The following SLC36A1 variants were observed in gnomAD, a reference collection of about 807,000 sequenced individuals.
SLC36A1 encodes solute carrier family 36 member 1, also known as proton-coupled amino acid transporter 1.
A neutral mutation model predicts 47.5 loss-of-function variants in SLC36A1; 30 were observed. The observed-to-expected ratio is 0.63, with a 90% CI of 0.47 to 0.86. SLC36A1 has a LOEUF of 0.86. SLC36A1 is among the 40% of genes least tolerant of loss of function. SLC36A1 has a pLI of 0.00. For synonymous variants in SLC36A1, 255 were observed against 249.7 expected (o/e 1.02, Z -0.20); for missense variants, 517 against 606.0 (o/e 0.85, Z 1.54).
At chr5:151,459,469 T>G (rs1755188611) in intron 2 of SLC36A1, among the ~76,000 whole-genome samples, 1 of 152,260 alleles carries the variant, frequency 6.6e-6, no homozygotes, top group African/African-American at 2.4e-5. Context: ...CAGACTCATT[T>G]GGGCTGAGTT....
At chr5:151,441,639 C>A (rs953647707) in intron 1 of SLC36A1, among the ~76,000 whole-genome samples, 1 of 152,080 alleles carries the variant, frequency 6.6e-6, no homozygotes, top group African/African-American at 2.4e-5. Flanking sequence ...CACATGCTGG[C>A]ACCTGTAAAC....
chr5:151,422,806 G>A, the SLC36A1 span, among the ~76,000 whole-genome samples: 4 of 152,254 alleles, frequency 2.6e-5, no homozygotes, highest in East Asian at 1.9e-4. Context: ...CTGGGTAGTA[G>A]TGGCACGTGT....
the SLC36A1 span, chr5:151,380,275 C>T: frequency 2.3e-4 from 57 of 249,692 alleles, no homozygotes; most frequent in Non-Finnish European, 3.6e-4. Context: ...ACCTGAGGTC[C>T]GGAGTTCGAG....
chr5:151,537,220 AGAG>A, the SLC36A1 span, among the ~76,000 whole-genome samples: 146 of 151,012 alleles, frequency 9.7e-4, 1 homozygote, highest in East Asian at 0.023. Context: ...AGGAAGAAGA[AGAG>A]GAGGAGGAGG....
intron 1 of SLC36A1, among the ~76,000 whole-genome samples, chr5:151,456,149 G>A (rs1030491500): frequency 6.6e-6 from 1 of 152,104 alleles, no homozygotes; most frequent in African/African-American, 2.4e-5. Flanking sequence ...CTTTTGGTTT[G>A]TTGGAAGGGA....
chr5:151,405,647 C>A, the SLC36A1 span, among the ~76,000 whole-genome samples: 1 of 152,130 alleles, frequency 6.6e-6, no homozygotes, highest in South Asian at 2.1e-4. Flanking sequence ...TAAGAAAATG[C>A]TCTGGCTTTT....
At chr5:151,479,031 G>T (rs959561034) in intron 9 of SLC36A1, among the ~76,000 whole-genome samples, 1 of 152,110 alleles carries the variant, frequency 6.6e-6, no homozygotes, top group African/African-American at 2.4e-5. Context: ...GCTATACGGG[G>T]GCACCACGAT....
At chr5:151,451,391 G>T (rs375952599) in intron 1 of SLC36A1, among the ~76,000 whole-genome samples, 1 of 152,098 alleles carries the variant, frequency 6.6e-6, no homozygotes, top group South Asian at 2.1e-4. Flanking sequence ...AGTAGGAAAA[G>T]CCACTCTGTG....
the SLC36A1 span, among the ~76,000 whole-genome samples, chr5:151,408,776 A>G: frequency 0.015 from 2,242 of 152,304 alleles, 43 homozygotes; most frequent in African/African-American, 0.051. Context: ...CAATGCTTTT[A>G]AAGAGATATC....
chr5:151,431,745 C>T, the SLC36A1 span, among the ~76,000 whole-genome samples: 5 of 152,192 alleles, frequency 3.3e-5, no homozygotes, highest in African/African-American at 7.2e-5. Context: ...TTCCCAGCCA[C>T]GTGGAACTGT....
chr5:151,419,506 A>G, the SLC36A1 span, among the ~76,000 whole-genome samples: 8 of 152,226 alleles, frequency 5.3e-5, no homozygotes, highest in Non-Finnish European at 7.3e-5. Flanking sequence ...AATTTCTGAT[A>G]TATTAATTTG....
chr5:151,364,054 A>G, the SLC36A1 span, among the ~76,000 whole-genome samples: 5 of 152,200 alleles, frequency 3.3e-5, no homozygotes, highest in African/African-American at 1.2e-4. Flanking sequence ...TTATGTTTAC[A>G]TTTCTCTTGA....
At chr5:151,507,392 A>G in the SLC36A1 span, 1 of 1,614,178 alleles carries the variant, frequency 6.2e-7, no homozygotes, top group Non-Finnish European at 8.5e-7. Flanking sequence ...CTTGGGTGTC[A>G]ACACCAACAC....
chr5:151,541,107 A>G, the SLC36A1 span, among the ~76,000 whole-genome samples: 5 of 152,368 alleles, frequency 3.3e-5, no homozygotes, highest in Admixed American at 6.5e-5. Flanking sequence ...ATGCATAGCT[A>G]TACAACAGTG....
chr5:151,406,353 A>G, the SLC36A1 span: 1 of 152,246 alleles, frequency 6.6e-6, no homozygotes, highest in African/African-American at 2.4e-5. Flanking sequence ...AAAAAACAGT[A>G]TTCAAATTCA....
the SLC36A1 span, among the ~76,000 whole-genome samples, chr5:151,414,048 C>A: frequency 6.6e-6 from 1 of 152,124 alleles, no homozygotes; most frequent in African/African-American, 2.4e-5. Context: ...CAAGTACTTA[C>A]TTTGTTATAA....
the SLC36A1 span, among the ~76,000 whole-genome samples, chr5:151,384,064 A>G: frequency 6.6e-6 from 1 of 151,956 alleles, no homozygotes; most frequent in African/African-American, 2.4e-5. Context: ...ATGAAGGCAA[A>G]TGTCTTCATT....
chr5:151,377,397 G>A, the SLC36A1 span, among the ~76,000 whole-genome samples: 1 of 141,544 alleles, frequency 7.1e-6, no homozygotes, highest in Non-Finnish European at 1.5e-5. Flanking sequence ...CGCCCAGGCT[G>A]GAGTGCAGTG....
At chr5:151,487,885 C>A in intron 10 of SLC36A1, 98 bp from the exon 11 acceptor site, 3 of 1,405,144 alleles carry the variant, frequency 2.1e-6, no homozygotes, top group Non-Finnish European at 2.9e-6. Context: ...AGCTCTCAAT[C>A]CTATAAGATG....
Sources: gnomAD v4.1 joint callset for allele counts (sites outside exome capture counted in the v4.1 genomes callset) on GRCh38, gnomAD v4.1.1 for gene constraint, MANE v1.5 for transcripts, NCBI Gene and HGNC (gene_info 2026-07-23, HGNC 2026-07-21) for gene names.